Variants in R3HDM4 observed in about 807,000 individuals in gnomAD.
R3HDM4 encodes the protein R3H domain containing 4.
Under a neutral mutation model 31.3 loss-of-function variants are expected in R3HDM4, and 30 were observed. The observed-to-expected ratio is 0.96, with a 90% confidence interval of 0.72 to 1.30. The LOEUF (loss-of-function observed/expected upper bound fraction) is 1.30, where lower values mean the gene tolerates loss of function less well. R3HDM4 is among the 50% of genes most tolerant of loss of function. The pLI is 0.00. For synonymous variants in R3HDM4, 196 were observed against 156.6 expected (o/e 1.25, Z -1.88); for missense variants, 444 against 366.1 (o/e 1.21, Z -1.74).
rs1311513042 is a variant in R3HDM4 at position 900,866 on chromosome 19, C to CCG, written c.436_437dup (p.Arg147GlyfsTer68). On this transcript the variant is annotated frameshift_variant, in exon 4 of 8. Transcript: ENST00000361574. LOFTEE classifies it high-confidence loss of function. ...CCTCCCCACGGCCAGGGCCCCTCCT[C>CCG]CGCGCCTTGCTCCTGCCCTCATCCT... is the stretch of plus-strand genomic sequence containing the variant. 1.3e-6 allele frequency: 2 copies of CCG among 1,557,358 alleles called. No individual in the cohort carries two copies. Among genetic ancestry groups the CCG allele is most frequent in the African/African-American group, 2.7e-5 (2 of 72,742 alleles).
chr19:901,885 G>C (rs1271484810), intron 2 of R3HDM4, 91 bp downstream of exon 2: 1 of 1,464,454 alleles, frequency 6.8e-7, no homozygotes, highest in Non-Finnish European at 9.3e-7. Flanking sequence ...CCCAGGCACA[G>C]CTCATGGGAG....
At chr19:900,205 T>G in intron 4 of R3HDM4, 59 bp from the exon 5 acceptor site, 1 of 1,394,204 alleles carries the variant, frequency 7.2e-7, no homozygotes, top group Non-Finnish European at 9.7e-7. Flanking sequence ...CCTGCCCACC[T>G]GCCAGACCAC....
At chr19:908,481 G>A (rs1055177558) in intron 1 of R3HDM4, among the ~76,000 whole-genome samples, 15 of 149,968 alleles carry the variant, frequency 1.0e-4, no homozygotes, top group Admixed American at 9.9e-4. Flanking sequence ...ATAGTGGTGG[G>A]CGCCTGTGGT....
intron 1 of R3HDM4, among the ~76,000 whole-genome samples, chr19:908,060 C>T (rs899495290): frequency 1.5e-4 from 23 of 151,976 alleles, no homozygotes; most frequent in Admixed American, 1.2e-3. Context: ...GGAGTGGTGG[C>T]GCACGCCTGT....
chr19:897,396 T>A lies in R3HDM4; in HGVS notation c.*41A>T. ...TAGCCGAAGGTATCGGAGGGCTTGA[T>A]GGCTGGGCGAGGTGGCAGCGGGGTC... On this transcript the variant is annotated 3_prime_UTR_variant, in exon 8 of 8. Coordinates refer to ENST00000361574, the MANE Select transcript of R3HDM4 (RefSeq NM_138774.4). 5 of 1,443,908 alleles carry A rather than the reference T, an allele frequency of 3.5e-6. No homozygotes were observed. Among genetic ancestry groups the A allele is most frequent in the South Asian group, 1.2e-5 (1 of 80,568 alleles). 89.4% of individuals were successfully genotyped at this position (1,443,908 alleles called of 1,614,324 possible).
rs749395729 is a variant in R3HDM4 at position 899,653 on chromosome 19, G to A, written c.595C>T (p.Arg199Trp). ...GCCTGGGGGGACACGGAGAAGAACC[G>A]AAGCAGCCGCTCCTCCCAGGTCTCC... The part of the protein sequence containing the change: ...TLETWEERLL[R>W]FFSVSPQAVY... The change falls in exon 6 of 8, where the codon CGG (arginine) becomes TGG (tryptophan). Residue 199 changes from arginine to tryptophan, a missense_variant. Transcript: ENST00000361574. This position sits in a 1 kb window ranked among gnomAD's most constrained non-coding sequence, Gnocchi z 6.8. The A allele has an allele frequency of 1.1e-5, 18 of 1,604,342 alleles. No individual in the cohort carries two copies. Among genetic ancestry groups the A allele is most frequent in the South Asian group, 9.9e-5 (9 of 90,772 alleles).
At chr19:903,539 C>T (rs897405281) in intron 1 of R3HDM4, among the ~76,000 whole-genome samples, 7 of 151,364 alleles carry the variant, frequency 4.6e-5, no homozygotes, top group African/African-American at 7.3e-5. Context: ...CGCAGCCACC[C>T]GGCACCTGGG....
At position 897,444 on chromosome 19, in the gene R3HDM4, T is replaced by G. The variant is rs568224951; in HGVS notation, c.800A>C (p.His267Pro). ...GTCTCCGCGGGGCCGCCATCAGCTG[T>G]GCTGCTCCAGGTAGGCGGACAGGAG... ...GLLLSAYLEQ[H>P]S The change falls in exon 8 of 8, where the codon CAC becomes CCC. Residue 267 changes from histidine (H) to proline (P), a missense_variant. Coordinates refer to ENST00000361574, the MANE Select transcript of R3HDM4 (RefSeq NM_138774.4). 2.5e-6 allele frequency: 4 copies of G among 1,608,868 alleles called. No homozygotes were observed. In the African/African-American group the frequency reaches 5.3e-5, roughly 21 times the overall value.
Position 901,637 on chromosome 19 carries a change from T to C in R3HDM4, c.227-91A>G, listed in dbSNP as rs1176597149. The C allele has an allele frequency of 6.7e-6, 10 of 1,499,326 alleles. No homozygotes were observed. In the East Asian group the frequency reaches 2.1e-4, roughly 31 times the overall value. The allele number at this position is 1,499,326 out of a possible 1,614,324, so 92.9% of individuals were successfully genotyped here. On this transcript the variant is annotated intron_variant, in intron 2 of 7. Coordinates refer to ENST00000361574, the MANE Select transcript of R3HDM4 (RefSeq NM_138774.4). ...CCAAGAACTAGCCTTCCTCCTTTTT[T>C]ATCATCTCAACCTCCGCACCTCCAT...
intron 1 of R3HDM4, among the ~76,000 whole-genome samples, chr19:906,433 T>G (rs999152614): frequency 6.6e-6 from 1 of 152,098 alleles, no homozygotes; most frequent in African/African-American, 2.4e-5. Flanking sequence ...TCAGCCAGAA[T>G]GGTCTGGATC....
intron 7 of R3HDM4, among the ~76,000 whole-genome samples, chr19:898,359 C>A (rs1404910274): frequency 3.0e-5 from 4 of 132,084 alleles, no homozygotes; most frequent in Non-Finnish European, 6.2e-5. Flanking sequence ...GAGCTGAGAT[C>A]GCGCCACTGC....
intron 1 of R3HDM4, among the ~76,000 whole-genome samples, chr19:911,635 C>T (rs994791272): frequency 6.6e-6 from 1 of 152,222 alleles, no homozygotes; most frequent in African/African-American, 2.4e-5. Flanking sequence ...ATAACCTGCC[C>T]AGGTGGCGCC....
At chr19:898,392 G>T (rs12976746) in intron 7 of R3HDM4, among the ~76,000 whole-genome samples, 15,471 of 120,584 alleles carry the variant, frequency 0.13, 1,214 homozygotes, top group Middle Eastern at 0.22. Context: ...GTGACAGAGC[G>T]AGACTTGGTC....
At chr19:906,125 A>C in intron 1 of R3HDM4, among the ~76,000 whole-genome samples, 1 of 150,998 alleles carries the variant, frequency 6.6e-6, no homozygotes. Flanking sequence ...CCCAGGTTCA[A>C]GTGATTCTCC....
intron 1 of R3HDM4, among the ~76,000 whole-genome samples, chr19:903,442 G>A (rs973321213): frequency 3.9e-5 from 6 of 152,154 alleles, no homozygotes; most frequent in African/African-American, 1.4e-4. Context: ...TGGGAAGCGG[G>A]TGGTTGGACA....
chr19:908,247 CAG>C (rs1279895416), intron 1 of R3HDM4, among the ~76,000 whole-genome samples: 4 of 152,082 alleles, frequency 2.6e-5, no homozygotes, highest in East Asian at 1.9e-4. Flanking sequence ...CTGGGGTAGA[CAG>C]GGGGGCCTGG....
At position 902,043 on chromosome 19, in the gene R3HDM4, C is replaced by T. The variant is rs891278768; in HGVS notation, c.159G>A (p.Gln53=). ...ASRRKQHFIN[Q]AVRNSDLVPK... ...GCACGAGGTCTGAGTTCCGCACTGCCTGGTTGATGAAGTGCTGTTTCCGCC... is the reference window on the plus strand; with the variant it reads ...GCACGAGGTCTGAGTTCCGCACTGCTTGGTTGATGAAGTGCTGTTTCCGCC... The change falls in exon 2 of 8, where the codon CAG becomes CAA. Residue 53 remains glutamine (Q), a synonymous_variant. Transcript: ENST00000361574. 1 of 1,613,956 alleles carries T rather than the reference C, an allele frequency of 6.2e-7. No individual in the cohort carries two copies. Among genetic ancestry groups the T allele is most frequent in the Non-Finnish European group, 8.5e-7 (1 of 1,180,012 alleles).
At chr19:910,630 A>T (rs1320683503) in intron 1 of R3HDM4, among the ~76,000 whole-genome samples, 1 of 151,840 alleles carries the variant, frequency 6.6e-6, no homozygotes, top group Non-Finnish European at 1.5e-5. Flanking sequence ...AAAAACAAAA[A>T]AAAAGCATCC....
intron 4 of R3HDM4, 37 bp downstream of exon 4, chr19:900,792 C>T (rs1289597320): frequency 2.5e-6 from 3 of 1,196,914 alleles, no homozygotes; most frequent in Admixed American, 2.4e-5. Flanking sequence ...CATCCATACC[C>T]TGGCCCCACC....
Sources: allele counts gnomAD v4.1 joint callset (sites outside exome capture counted in the v4.1 genomes callset), GRCh38; gene constraint gnomAD v4.1.1; non-coding constraint Gnocchi (gnomAD v3.1); transcripts MANE v1.5; gene names NCBI Gene and HGNC (gene_info 2026-07-23, HGNC 2026-07-21).